The following MAN1C1 variants were observed in gnomAD, a reference collection of about 807,000 sequenced individuals.
The protein encoded by MAN1C1 is mannosidase alpha class 1C member 1.
In MAN1C1, 49 loss-of-function variants were observed where a neutral mutation model predicts 71.5. That is an observed-to-expected ratio of 0.69 (90% confidence interval 0.54 to 0.87). The LOEUF (loss-of-function observed/expected upper bound fraction) is 0.87, where lower values mean the gene tolerates loss of function less well. Among genes scored for constraint, MAN1C1 ranks in the 40% least tolerant of loss-of-function variants. The probability of loss-of-function intolerance (pLI) is 0.00; values close to 1 mark genes in which losing one functional copy is unlikely to be tolerated. For synonymous variants in MAN1C1, 352 were observed against 343.7 expected, an observed-to-expected ratio of 1.02 and a Z score of -0.27; for missense variants, 743 against 835.0, an observed-to-expected ratio of 0.89 and a Z score of 1.36.
chr1:25,753,580 T>C lies in MAN1C1; in HGVS notation c.929+2T>C. On this transcript the variant is annotated splice_donor_variant, in intron 5 of 11. Coordinates refer to ENST00000374332, the MANE Select transcript of MAN1C1 (RefSeq NM_020379.4). LOFTEE classifies it high-confidence loss of function. This position sits in a 1 kb window ranked among gnomAD's most constrained non-coding sequence, Gnocchi z 4.9. ...AAAGGGCGTGGTGAGCTTCAAAAGG[T>C]AGGGCGCCATCGCGTTCCCCACTGG... 1 of 1,612,902 alleles carries C rather than the reference T, an allele frequency of 6.2e-7. No homozygotes were observed. The highest frequency in any genetic ancestry group is 1.1e-5 in the South Asian group (1 of 90,946).
At chr1:25,715,913 G>T (rs868323872) in intron 2 of MAN1C1, among the ~76,000 whole-genome samples, 2 of 152,180 alleles carry the variant, frequency 1.3e-5, no homozygotes, top group Non-Finnish European at 2.9e-5. Flanking sequence ...TAGGACTGGA[G>T]TAGCGACCCC....
chr1:25,626,600 C>T (rs191297517), intron 1 of MAN1C1, among the ~76,000 whole-genome samples: 118 of 152,202 alleles, frequency 7.8e-4, no homozygotes, highest in East Asian at 2.5e-3. Flanking sequence ...CCTCATGATC[C>T]GCCTGCCTCG....
At chr1:25,700,925 GC>G (rs932551290) in intron 2 of MAN1C1, among the ~76,000 whole-genome samples, 1 of 152,258 alleles carries the variant, frequency 6.6e-6, no homozygotes, top group African/African-American at 2.4e-5. Context: ...TTCGGCACCA[GC>G]CAGGCACCCC....
intron 3 of MAN1C1, among the ~76,000 whole-genome samples, chr1:25,749,020 G>T (rs988294245): frequency 4.6e-5 from 7 of 152,244 alleles, no homozygotes; most frequent in African/African-American, 1.7e-4. Flanking sequence ...TCTCAGCAAG[G>T]GCTGGGGAAG....
chr1:25,655,678 G>T (rs147746659), intron 1 of MAN1C1, among the ~76,000 whole-genome samples: 120 of 152,170 alleles, frequency 7.9e-4, no homozygotes, highest in African/African-American at 2.7e-3. Context: ...TCTCTTATCG[G>T]CCTCTAATTA....
chr1:25,637,199 A>G (rs1222345094), intron 1 of MAN1C1, among the ~76,000 whole-genome samples: 1 of 152,144 alleles, frequency 6.6e-6, no homozygotes, highest in African/African-American at 2.4e-5. Flanking sequence ...ATACTTTATC[A>G]GTTTTGTTAA....
intron 2 of MAN1C1, among the ~76,000 whole-genome samples, chr1:25,721,521 A>G (rs1188428428): frequency 6.6e-6 from 1 of 152,220 alleles, no homozygotes; most frequent in Admixed American, 6.5e-5. Context: ...ATTTATACCT[A>G]AGTATTTTAT....
At chr1:25,698,407 G>A (rs1210747447) in intron 2 of MAN1C1, among the ~76,000 whole-genome samples, 1 of 152,178 alleles carries the variant, frequency 6.6e-6, no homozygotes, top group Non-Finnish European at 1.5e-5. Flanking sequence ...CCCTCTTACA[G>A]GATTGGTGTT....
intron 2 of MAN1C1, among the ~76,000 whole-genome samples, chr1:25,717,837 T>C (rs2124266926): frequency 6.6e-6 from 1 of 152,298 alleles, no homozygotes; most frequent in Non-Finnish European, 1.5e-5. Context: ...GTGCTGGGAT[T>C]ACAGGCATGA....
intron 5 of MAN1C1, among the ~76,000 whole-genome samples, chr1:25,756,952 C>A (rs1477294533): frequency 2.0e-5 from 3 of 152,128 alleles, no homozygotes; most frequent in Non-Finnish European, 2.9e-5. Context: ...ATCCCTCCCC[C>A]ACTGTCCCCT....
At chr1:25,621,235 G>A (rs777308529) in intron 1 of MAN1C1, among the ~76,000 whole-genome samples, 1 of 152,214 alleles carries the variant, frequency 6.6e-6, no homozygotes, top group Non-Finnish European at 1.5e-5. Context: ...AGGGACAATG[G>A]TGTGGTGGTA....
chr1:25,771,956 A>G (rs1439133051), intron 8 of MAN1C1, 184 bp downstream of exon 8: 4 of 588,398 alleles, frequency 6.8e-6, no homozygotes, highest in Middle Eastern at 4.5e-4. Context: ...ACACCCTGCG[A>G]CCCTCCCACA....
chr1:25,647,461 CTGATA>C (rs1464521896), intron 1 of MAN1C1, among the ~76,000 whole-genome samples: 1 of 152,102 alleles, frequency 6.6e-6, no homozygotes, highest in African/African-American at 2.4e-5. Flanking sequence ...ACAGATTAGG[CTGATA>C]TGTGATGGCG....
At chr1:25,665,407 A>G (rs3014711) in intron 1 of MAN1C1, among the ~76,000 whole-genome samples, 34,533 of 152,126 alleles carry the variant, frequency 0.23, 4,009 homozygotes, top group East Asian at 0.37. Context: ...ATAACAGCCT[A>G]CATCTTCAAA....
chr1:25,704,531 G>C (rs2046492478), intron 2 of MAN1C1, among the ~76,000 whole-genome samples: 1 of 152,222 alleles, frequency 6.6e-6, no homozygotes, highest in Admixed American at 6.5e-5. Flanking sequence ...GAGAATCCCT[G>C]ATGGCTGTTA....
intron 6 of MAN1C1, 74 bp downstream of exon 6, chr1:25,758,783 C>T: frequency 7.0e-6 from 9 of 1,288,066 alleles, no homozygotes; most frequent in South Asian, 2.4e-5. Flanking sequence ...TTTTCAGAGG[C>T]GAGTGGGTCC....
rs969853224 is a variant in MAN1C1, at chr1:25,735,737, A to G, written c.638-10931A>G. Among the ~76,000 whole-genome samples, 2 of 152,090 alleles carry G rather than the reference A, an allele frequency of 1.3e-5. No homozygotes were observed. Among genetic ancestry groups the G allele is most frequent in the Non-Finnish European group, 2.9e-5 (2 of 68,010 alleles). On this transcript the variant is annotated intron_variant, in intron 2 of 11. Transcript: ENST00000374332. The surrounding 1 kb of genome is among the most constrained non-coding windows in gnomAD (Gnocchi z 4.6). ...TCCAAGTCTGCTCTGCACATATCTC[A>G]TCCTTCCTGGACCAGTGGCCATTTG... is the stretch of plus-strand genomic sequence containing the variant.
intron 1 of MAN1C1, among the ~76,000 whole-genome samples, chr1:25,678,795 G>T (rs1218229861): frequency 3.9e-5 from 6 of 152,138 alleles, no homozygotes; most frequent in Non-Finnish European, 8.8e-5. Context: ...AATAAAATTG[G>T]AATATGTCAT....
intron 2 of MAN1C1, among the ~76,000 whole-genome samples, chr1:25,721,724 C>G (rs1327842279): frequency 6.6e-6 from 1 of 152,136 alleles, no homozygotes; most frequent in East Asian, 1.9e-4. Flanking sequence ...GATCGTTTTA[C>G]TTCCTTCTTT....
Sources: allele counts gnomAD v4.1 joint callset (sites outside exome capture counted in the v4.1 genomes callset), GRCh38; gene constraint gnomAD v4.1.1; non-coding constraint Gnocchi (gnomAD v3.1); transcripts MANE v1.5; gene names NCBI Gene and HGNC (gene_info 2026-07-23, HGNC 2026-07-21).